The following UGT2B28 variants were observed in gnomAD, a reference collection of about 807,000 sequenced individuals.
UGT2B28 encodes UDP glucuronosyltransferase family 2 member B28.
A neutral mutation model predicts 43.6 loss-of-function variants in UGT2B28; 45 were observed. That is an observed-to-expected ratio of 1.03 (90% CI 0.81 to 1.32). The LOEUF (loss-of-function observed/expected upper bound fraction) is 1.32. Ranked by LOEUF, UGT2B28 falls within the 40% of genes most tolerant of loss-of-function variation. The pLI is 0.00. For missense variants in UGT2B28, 649 were observed against 625.5 expected (o/e 1.04, Z -0.40); for synonymous variants, 204 against 208.1 (o/e 0.98, Z 0.17).
chr4:69,292,091 T>A lies in UGT2B28; in HGVS notation c.1310+1280T>A, dbSNP rs192771601. Among the ~76,000 whole-genome samples the A allele has an allele frequency of 2.2e-3, 306 of 141,210 alleles. 67 individuals are homozygous for A. The highest frequency in any genetic ancestry group is 8.0e-3 in the African/African-American group (291 of 36,360). 92.6% of individuals were successfully genotyped at this position (141,210 alleles called of 152,430 possible). ...TGTCTTATTATTAAGTTTTAAGAAC[T>A]ACTTATATATTATGGGTCAAATCAG... On this transcript the variant is annotated intron_variant, in intron 5 of 5. Coordinates refer to ENST00000335568, the MANE Select transcript of UGT2B28 (RefSeq NM_053039.2).
At position 69,290,704 on chromosome 4, in the gene UGT2B28, T is replaced by A. The variant is rs1449171855; in HGVS notation, c.1203T>A (p.Asp401Glu). The A allele has an allele frequency of 1.3e-6, 2 of 1,559,752 alleles. No individual in the cohort carries two copies. Among genetic ancestry groups the A allele is most frequent in the Non-Finnish European group, 1.7e-6 (2 of 1,155,322 alleles). ...TTCCATTGTTTTGGGATCAACCTGA[T>A]AACATTGCTCACATGAAGGCCAAGG... ...VGIPLFWDQP[D>E]NIAHMKAKGA... Residue 401 changes from aspartate to glutamate, a missense_variant, in exon 5 of 6, where the codon GAT (aspartate) becomes GAA (glutamate). Physicochemically the swap from Asp to Glu is conservative, Grantham distance 45. Coordinates refer to ENST00000335568, the MANE Select transcript of UGT2B28 (RefSeq NM_053039.2).
chr4:69,282,387 G>A, intron 1 of UGT2B28, 127 bp from the exon 2 acceptor site: 1 of 860,372 alleles, frequency 1.2e-6, no homozygotes, highest in Admixed American at 3.9e-5. Context: ...ATGAATATAT[G>A]TATATATTTT....
At chr4:69,283,174 A>C (rs1390572542) in intron 2 of UGT2B28, among the ~76,000 whole-genome samples, 1 of 139,738 alleles carries the variant, frequency 7.2e-6, no homozygotes, top group Admixed American at 7.2e-5. Flanking sequence ...GTAAGATGAG[A>C]GCTGAACAAT....
chr4:69,291,954 T>C (rs1370147862), intron 5 of UGT2B28, among the ~76,000 whole-genome samples: 1 of 140,390 alleles, frequency 7.1e-6, no homozygotes, highest in Non-Finnish European at 1.5e-5. Flanking sequence ...GGATTGCATT[T>C]TCATTACTGC....
chr4:69,283,970 T>G (rs2109685208), intron 2 of UGT2B28, among the ~76,000 whole-genome samples: 1 of 141,222 alleles, frequency 7.1e-6, no homozygotes, highest in Non-Finnish European at 1.5e-5. Context: ...AATACAAATG[T>G]GTGCCTTAAA....
intron 3 of UGT2B28, among the ~76,000 whole-genome samples, chr4:69,289,340 C>T (rs4694711): frequency 0.46 from 64,382 of 138,546 alleles, 20,590 homozygotes; most frequent in Non-Finnish European, 0.53. Context: ...TCTAATGATC[C>T]GTGCTGTTAA....
At chr4:69,281,695 C>T (rs1223940265) in intron 1 of UGT2B28, among the ~76,000 whole-genome samples, 3 of 139,990 alleles carry the variant, frequency 2.1e-5, no homozygotes, top group Admixed American at 7.2e-5. Context: ...GTTTCCTTCA[C>T]AGTAGAGAGA....
chr4:69,282,485 C>T, intron 1 of UGT2B28, 29 bp from the exon 2 acceptor site: 1 of 1,530,010 alleles, frequency 6.5e-7, no homozygotes, highest in East Asian at 2.3e-5. Context: ...CTTACATCAT[C>T]CACTTTTTCT....
Position 69,280,747 on chromosome 4 carries a change from A to G in UGT2B28, c.247A>G (p.Lys83Glu), listed in dbSNP as rs145824092. Residue 83 changes from lysine (K) to glutamate (E), a missense_variant, in exon 1 of 6, where the codon AAA becomes GAA. Coordinates refer to ENST00000335568, the MANE Select transcript of UGT2B28 (RefSeq NM_053039.2). ...KLEVYPTSLT[K>E]TEFENIIMQQ... Reference sequence around the variant, plus strand: ...CGAAGTTTATCCTACATCTTTAACTAAAACTGAATTTGAGAATATCATCAT... The same window carrying G: ...CGAAGTTTATCCTACATCTTTAACTGAAACTGAATTTGAGAATATCATCAT... The G allele has an allele frequency of 1.5e-3, 2,387 of 1,563,380 alleles. 512 individuals carry two copies. The African/African-American group carries it at 0.032, about 21-fold the overall frequency.
In UGT2B28 at chr4:69,282,091, A is replaced by C. The variant is rs1187392982; in HGVS notation, c.722-423A>C. Reference sequence around the variant, plus strand: ...GAACCAAAGATAAAAGGATTAGCTTAAGGAGTTGTGTAAACTGGACTGTTA... The same window carrying C: ...GAACCAAAGATAAAAGGATTAGCTTCAGGAGTTGTGTAAACTGGACTGTTA... On this transcript the variant is annotated intron_variant, in intron 1 of 5. Transcript: ENST00000335568. 2.1e-5 allele frequency among the ~76,000 whole-genome samples: 3 copies of C among 140,492 alleles called. 1 individual carries two copies. The highest frequency in any genetic ancestry group is 4.6e-5 in the Non-Finnish European group (3 of 65,686). 92.2% of individuals were successfully genotyped at this position (140,492 alleles called of 152,430 possible).
At position 69,280,837 on chromosome 4, in the gene UGT2B28, C is replaced by A; in HGVS notation, c.337C>A (p.Gln113Lys). ...CTTTTGGTTATATTTTTCACAAGAA[C>A]AAGAAATCCTGTGGGAATTTCATGA... ...DSFWLYFSQE[Q>K]EILWEFHDIF... The change falls in exon 1 of 6, where the codon CAA (glutamine) becomes AAA (lysine). Residue 113 changes from glutamine to lysine, a missense_variant. Coordinates refer to ENST00000335568, the MANE Select transcript of UGT2B28 (RefSeq NM_053039.2). 3 of 1,562,690 alleles carry A rather than the reference C, an allele frequency of 1.9e-6. No homozygotes were observed. Among genetic ancestry groups the A allele is most frequent in the South Asian group, 2.4e-5 (2 of 84,470 alleles).
In UGT2B28 at chr4:69,294,838, C is replaced by G. The variant is rs1160441319; in HGVS notation, c.*29C>G. ...TGTCTGACATTTGAAGCTGGAAAAC[C>G]AGATAGATGGGTTGACATCAGTTTA... On this transcript the variant is annotated 3_prime_UTR_variant, in exon 6 of 6. Transcript: ENST00000335568. The G allele has an allele frequency of 1.1e-5, 17 of 1,523,372 alleles. 3 individuals are homozygous for G. The Middle Eastern group carries it at 1.9e-3, about 174-fold the overall frequency. 94.4% of individuals were successfully genotyped at this position (1,523,372 alleles called of 1,614,324 possible).
rs1723695234 is a variant in UGT2B28, at chr4:69,283,933, T to C, written c.870+1271T>C. On this transcript the variant is annotated intron_variant, in intron 2 of 5. Coordinates refer to ENST00000335568, the MANE Select transcript of UGT2B28 (RefSeq NM_053039.2). Reference sequence around the variant, plus strand: ...CGTAAGTAATAAGGATCTTCACTAGTATTCGAGCATAAAACACTTCCTCAA... The same window carrying C: ...CGTAAGTAATAAGGATCTTCACTAGCATTCGAGCATAAAACACTTCCTCAA... 1.4e-5 allele frequency among the ~76,000 whole-genome samples: 2 copies of C among 140,998 alleles called. 1 individual carries two copies. The highest frequency in any genetic ancestry group is 4.1e-4 in the East Asian group (2 of 4,922). 92.5% of individuals were successfully genotyped at this position (140,998 alleles called of 152,430 possible).
rs867935757 is a variant in UGT2B28 at position 69,280,576 on chromosome 4, G to T, written c.76G>T (p.Val26Leu). The change falls in exon 1 of 6, where the codon GTG (valine) becomes TTG (leucine). Residue 26 changes from valine (V) to leucine (L), a missense_variant. Transcript: ENST00000335568. ...CTTTAGCTCTGGGAGTTGTGGAAAGGTGCTGGTGTGGACCGGTGAATACAG... is the reference window on the plus strand; with the variant it reads ...CTTTAGCTCTGGGAGTTGTGGAAAGTTGCTGGTGTGGACCGGTGAATACAG... ...CYFSSGSCGK[V>L]LVWTGEYSHW... 6.4e-7 allele frequency: 1 copy of T among 1,560,684 alleles called. No homozygotes were observed. The highest frequency in any genetic ancestry group is 8.7e-7 in the Non-Finnish European group (1 of 1,155,802).
At chr4:69,290,450 G>A (rs372312943) in intron 4 of UGT2B28, 142 bp from the exon 5 acceptor site, 9 of 1,104,442 alleles carry the variant, frequency 8.1e-6, no homozygotes, top group South Asian at 1.7e-5. Flanking sequence ...AAACAAGTAC[G>A]TGTTTATTCC....
rs1418258260 is a variant in UGT2B28 at position 69,294,569 on chromosome 4, T to C, written c.1350T>C (p.His450=). The part of the protein sequence containing the change: ...ENVMKLSIIQ[H]DQPVKPLHRA... ...TTATGAAATTATCAATAATTCAACA[T>C]GATCAACCAGTAAAGCCCCTGCATC... Residue 450 remains histidine (H), a synonymous_variant, in exon 6 of 6, where the codon CAT becomes CAC. Coordinates refer to ENST00000335568, the MANE Select transcript of UGT2B28 (RefSeq NM_053039.2). 1.3e-6 allele frequency: 2 copies of C among 1,550,546 alleles called. No individual in the cohort carries two copies. Among genetic ancestry groups the C allele is most frequent in the Non-Finnish European group, 1.7e-6 (2 of 1,151,740 alleles).
At position 69,292,687 on chromosome 4, in the gene UGT2B28, A is replaced by G. The variant is rs1460605145; in HGVS notation, c.1311-1843A>G. ...ATTGTATATATCAACTTGAAGACACATTTTCCTGGAGTACGTCAAATAGTT... is the reference window on the plus strand; with the variant it reads ...ATTGTATATATCAACTTGAAGACACGTTTTCCTGGAGTACGTCAAATAGTT... On this transcript the variant is annotated intron_variant, in intron 5 of 5. Transcript: ENST00000335568. 2.1e-5 allele frequency among the ~76,000 whole-genome samples: 3 copies of G among 139,684 alleles called. 1 individual carries two copies. Among genetic ancestry groups the G allele is most frequent in the African/African-American group, 8.4e-5 (3 of 35,824 alleles). The allele number at this position is 139,684 out of a possible 152,430, so 91.6% of individuals were successfully genotyped here. A position where few individuals can be genotyped will look rare whatever the true frequency, so the allele number is the denominator to read the frequency against.
intron 3 of UGT2B28, among the ~76,000 whole-genome samples, chr4:69,287,988 T>C (rs767553771): frequency 7.1e-6 from 1 of 140,516 alleles, no homozygotes; most frequent in Admixed American, 7.2e-5. Flanking sequence ...AAAATAAGAA[T>C]GTCTTGGCTA....
In UGT2B28 at chr4:69,294,914, CA is replaced by C. The variant is rs878962247; in HGVS notation, c.*116del. On this transcript the variant is annotated 3_prime_UTR_variant, in exon 6 of 6. Coordinates refer to ENST00000335568, the MANE Select transcript of UGT2B28 (RefSeq NM_053039.2). Reference sequence around the variant, plus strand: ...ATGCAAGATTTCTTTCTTCCTGTGACAAAAAAAAAAACTTTTCAAAATCTAC... The same window carrying C: ...ATGCAAGATTTCTTTCTTCCTGTGACAAAAAAAAAACTTTTCAAAATCTAC... 0.013 allele frequency: 12,453 copies of C among 929,072 alleles called. 10 individuals carry two copies. Among genetic ancestry groups the C allele is most frequent in the South Asian group, 0.022 (718 of 32,504 alleles). 57.6% of individuals were successfully genotyped at this position (929,072 alleles called of 1,614,324 possible).
Sources: gnomAD v4.1 joint callset for allele counts (sites outside exome capture counted in the v4.1 genomes callset) on GRCh38, gnomAD v4.1.1 for gene constraint, MANE v1.5 for transcripts, NCBI Gene and HGNC (gene_info 2026-07-23, HGNC 2026-07-21) for gene names.